Variants in KCNN3 observed in about 807,000 individuals in gnomAD.
KCNN3 encodes the protein small conductance calcium-activated potassium channel protein 3.
In KCNN3, 16 loss-of-function variants were observed where a neutral mutation model predicts 62.9. That is an observed-to-expected ratio of 0.25 (90% CI 0.17 to 0.39). The LOEUF is 0.39. KCNN3 is among the 10% of genes least tolerant of loss of function. The pLI is 1.00. For missense variants in KCNN3, 599 were observed against 949.4 expected, an observed-to-expected ratio of 0.63 and a Z score of 4.85; for synonymous variants, 370 against 389.2, an observed-to-expected ratio of 0.95 and a Z score of 0.58.
intron 1 of KCNN3, among the ~76,000 whole-genome samples, chr1:154,839,664 G>A (rs745589791): frequency 1.3e-5 from 2 of 152,168 alleles, no homozygotes; most frequent in Non-Finnish European, 2.9e-5. Flanking sequence ...GCTCTCACTC[G>A]ACAAGGCTGA....
At chr1:154,737,206 TG>T (rs35539682) in intron 3 of KCNN3, 114,573 of 177,572 alleles carry the variant, frequency 0.65, 35,604 homozygotes, top group Admixed American at 0.73. Context: ...ATAGAAAATT[TG>T]GGGGGGGGGG....
chr1:154,830,334 C>G (rs1308344793), intron 1 of KCNN3, among the ~76,000 whole-genome samples: 4 of 152,204 alleles, frequency 2.6e-5, no homozygotes, highest in Non-Finnish European at 4.4e-5. Context: ...GAGGTGGGGG[C>G]TAGATTCAAA....
chr1:154,714,218 ATGGTGTGTG>A, intron 6 of KCNN3, among the ~76,000 whole-genome samples: 1 of 76,054 alleles, frequency 1.3e-5, no homozygotes, highest in Non-Finnish European at 2.5e-5. Context: ...TGTGGTGTGC[ATGGTGTGTG>A]TGGGGTGTGT....
Position 154,869,398 on chromosome 1 carries a change from G to C in KCNN3, c.567C>G (p.Ser189Arg). 6.2e-7 allele frequency: 1 copy of C among 1,614,078 alleles called. No homozygotes were observed. Among genetic ancestry groups the C allele is most frequent in the Non-Finnish European group, 8.5e-7 (1 of 1,179,966 alleles). ...GGTTCCTCCGGGAGGCGCTGAGGCGGCTGAGGGGCTTCATGACCCCACCGC... is the reference window on the plus strand; with the variant it reads ...GGTTCCTCCGGGAGGCGCTGAGGCGCCTGAGGGGCTTCATGACCCCACCGC... ...KYSGGVMKPL[S>R]RLSASRRNLI... Residue 189 changes from serine (S) to arginine (R), a missense_variant, in exon 1 of 8, where the codon AGC becomes AGG. This residue lies in a region of KCNN3 where 112 missense variants were observed against 142.9 expected (regional missense o/e 0.78). Transcript: ENST00000271915. The surrounding 1 kb of genome is among the most constrained non-coding windows in gnomAD (Gnocchi z 6.1).
At chr1:154,766,416 T>TTATCTATATATATATATATATATATA (rs1648278486) in intron 3 of KCNN3, among the ~76,000 whole-genome samples, 1 of 71,812 alleles carries the variant, frequency 1.4e-5, no homozygotes, top group African/African-American at 5.1e-5. Flanking sequence ...TAGCCAGGCT[T>TTATCTATATATATATATATATATATA]TATATATATA....
intron 2 of KCNN3, among the ~76,000 whole-genome samples, chr1:154,816,916 T>G (rs930140329): frequency 2.0e-5 from 3 of 152,166 alleles, no homozygotes; most frequent in African/African-American, 7.2e-5. Flanking sequence ...CCACCCTCCA[T>G]AGTGAACTTG....
Position 154,701,779 on chromosome 1 carries a change from T to C in KCNN3, c.*6197A>G, listed in dbSNP as rs1478701724. The C allele has an allele frequency of 1.3e-5, 2 of 152,146 alleles. No individual in the cohort carries two copies. The highest frequency in any genetic ancestry group is 2.9e-5 in the Non-Finnish European group (2 of 68,026). 9.4% of individuals were successfully genotyped at this position (152,146 alleles called of 1,614,324 possible). A position where few individuals can be genotyped will look rare whatever the true frequency, so the allele number is the denominator to read the frequency against. ...AGAAAAGCACATCTGCACACTGGACTCTTGTTGGGCCTTGTGTAGTTTGGA... is the reference window on the plus strand; with the variant it reads ...AGAAAAGCACATCTGCACACTGGACCCTTGTTGGGCCTTGTGTAGTTTGGA... On this transcript the variant is annotated 3_prime_UTR_variant, in exon 8 of 8. Coordinates refer to ENST00000271915, the MANE Select transcript of KCNN3 (RefSeq NM_002249.6).
At chr1:154,746,976 C>T (rs557330248) in intron 3 of KCNN3, among the ~76,000 whole-genome samples, 8 of 152,256 alleles carry the variant, frequency 5.3e-5, no homozygotes, top group Non-Finnish European at 7.4e-5. Context: ...TAAGCTCAAC[C>T]GATCCCCAAC....
intron 2 of KCNN3, among the ~76,000 whole-genome samples, chr1:154,800,235 C>T (rs1649899377): frequency 6.6e-6 from 1 of 152,200 alleles, no homozygotes. Context: ...CAGCCACAGT[C>T]TGGAATCATG....
rs190245049 is a variant in KCNN3, at chr1:154,835,224, C to T, written c.934-13040G>A. ...ACAGCCTATGCAGAGGGTGGCGATA[C>T]ATTCGGGTTTACCCAGGAGAGTCCA... On this transcript the variant is annotated intron_variant, in intron 1 of 7. Transcript: ENST00000271915. Among the ~76,000 whole-genome samples, 18 of 152,356 alleles carry T rather than the reference C, an allele frequency of 1.2e-4. 1 individual carries two copies. The East Asian group carries it at 3.5e-3, about 29-fold the overall frequency.
At chr1:154,764,677 A>T (rs1236438354) in intron 3 of KCNN3, among the ~76,000 whole-genome samples, 1 of 152,162 alleles carries the variant, frequency 6.6e-6, no homozygotes, top group Non-Finnish European at 1.5e-5. Flanking sequence ...CAAATTTTTA[A>T]TCTGAGGATT....
chr1:154,703,781 T>C lies in KCNN3; in HGVS notation c.*4195A>G, dbSNP rs914881201. On this transcript the variant is annotated 3_prime_UTR_variant, in exon 8 of 8. Transcript: ENST00000271915. The stretch of plus-strand genomic sequence containing the variant: ...TAATTACTTTTTGGTAACTACTGAC[T>C]GCATTCAAACGTAACATCAAGGTGT... 4 of 152,228 alleles carry C rather than the reference T, an allele frequency of 2.6e-5. No homozygotes were observed. Among genetic ancestry groups the C allele is most frequent in the African/African-American group, 9.6e-5 (4 of 41,454 alleles). The allele number at this position is 152,228 out of a possible 1,614,324, so 9.4% of individuals were successfully genotyped here.
chr1:154,748,308 C>T (rs1285722954), intron 3 of KCNN3, among the ~76,000 whole-genome samples: 1 of 152,178 alleles, frequency 6.6e-6, no homozygotes, highest in Non-Finnish European at 1.5e-5. Context: ...CAAGCTTTCT[C>T]TCTCCTGGTT....
chr1:154,827,816 TAAC>T (rs1317785703), intron 1 of KCNN3, among the ~76,000 whole-genome samples: 16 of 151,880 alleles, frequency 1.1e-4, no homozygotes, highest in Middle Eastern at 3.4e-3. Context: ...ATAATAATAA[TAAC>T]AACAACAATA....
chr1:154,747,262 C>G (rs1700958076), intron 3 of KCNN3, among the ~76,000 whole-genome samples: 1 of 152,196 alleles, frequency 6.6e-6, no homozygotes, highest in Admixed American at 6.5e-5. Flanking sequence ...GTTACTACAG[C>G]AGCCTCCCCA....
chr1:154,793,640 T>A (rs1158532192), intron 2 of KCNN3, among the ~76,000 whole-genome samples: 1 of 152,224 alleles, frequency 6.6e-6, no homozygotes, highest in Non-Finnish European at 1.5e-5. Flanking sequence ...TTATTCACTA[T>A]GCTGGGGACT....
intron 1 of KCNN3, chr1:154,867,874 G>T: frequency 1.2e-6 from 1 of 863,156 alleles, no homozygotes; most frequent in Non-Finnish European, 1.4e-6. Flanking sequence ...CTTGTCCACC[G>T]ATTCCCAGGT....
At chr1:154,750,512 C>T (rs190508059) in intron 3 of KCNN3, among the ~76,000 whole-genome samples, 100 of 152,242 alleles carry the variant, frequency 6.6e-4, no homozygotes, top group Admixed American at 6.2e-3. Flanking sequence ...AGCAAAACCC[C>T]CTTCGCATCA....
At chr1:154,812,687 TA>T (rs1650466273) in intron 2 of KCNN3, among the ~76,000 whole-genome samples, 1 of 152,190 alleles carries the variant, frequency 6.6e-6, no homozygotes, top group Non-Finnish European at 1.5e-5. Flanking sequence ...CTGAAAACTT[TA>T]AGCTGTCTGA....
Sources: gnomAD v4.1 joint callset for allele counts (sites outside exome capture counted in the v4.1 genomes callset) on GRCh38, gnomAD v4.1.1 for gene constraint, gnomAD v4.1.1 regional missense constraint, Gnocchi (gnomAD v3.1) non-coding constraint, MANE v1.5 for transcripts, NCBI Gene and HGNC (gene_info 2026-07-23, HGNC 2026-07-21) for gene names.